Variants in PHEX observed in about 807,000 individuals in gnomAD.
PHEX encodes the protein phosphate regulating endopeptidase X-linked, also known as phosphate-regulating neutral endopeptidase PHEX.
In PHEX, 16 loss-of-function variants were observed where a neutral mutation model predicts 68.0. That is an observed-to-expected ratio of 0.24 (90% confidence interval 0.16 to 0.36). The LOEUF (loss-of-function observed/expected upper bound fraction) is 0.36. PHEX is among the 10% of genes least tolerant of loss of function. PHEX has a pLI of 1.00. For missense variants in PHEX, 480 were observed against 575.5 expected, an observed-to-expected ratio of 0.83 and a Z score of 1.70; for synonymous variants, 208 against 205.1, an observed-to-expected ratio of 1.01 and a Z score of -0.12.
In PHEX at chrX:22,249,462, ATATATATATATATATATATATATATG is replaced by A. The variant is rs1460136575; in HGVS notation, c.*1515_*1540del. ...TCTTTTAAAAAAAAAAAAAATATATATATATATATATATATATATATATATGTATATCTACCTAAGTGTGTGCCATG... is the reference window on the plus strand; with the variant it reads ...TCTTTTAAAAAAAAAAAAAATATATATATATCTACCTAAGTGTGTGCCATG... On this transcript the variant is annotated 3_prime_UTR_variant, in exon 22 of 22. Transcript: ENST00000379374. 1 of 64,803 alleles carries A rather than the reference ATATATATATATATATATATATATATG, an allele frequency of 1.5e-5. No homozygotes were observed. Among genetic ancestry groups the A allele is most frequent in the South Asian group, 6.7e-4 (1 of 1,496 alleles). 5.3% of individuals were successfully genotyped at this position (64,803 alleles called of 1,213,427 possible).
chrX:22,168,178 C>A, intron 12 of PHEX, 134 bp from the exon 13 acceptor site: 2 of 528,786 alleles, frequency 3.8e-6, no homozygotes, highest in Non-Finnish European at 6.8e-6. Context: ...TATTTTTGCC[C>A]TTCACAGTGG....
chrX:22,177,839 G>A (rs1171849844), intron 13 of PHEX, among the ~76,000 whole-genome samples: 3 of 111,782 alleles, frequency 2.7e-5, no homozygotes, highest in Non-Finnish European at 5.6e-5. Context: ...TAAGCTAAAT[G>A]AGTTTTCAGC....
At chrX:22,229,552 A>G (rs1169951265) in intron 20 of PHEX, among the ~76,000 whole-genome samples, 2 of 112,328 alleles carry the variant, frequency 1.8e-5, no homozygotes, top group Non-Finnish European at 3.8e-5. Context: ...CTTTTGAGAA[A>G]TGTCTGTTCG....
At chrX:22,240,464 C>A (rs1220471239) in intron 20 of PHEX, among the ~76,000 whole-genome samples, 1 of 111,302 alleles carries the variant, frequency 9.0e-6, no homozygotes, top group Non-Finnish European at 1.9e-5. Context: ...AGAGTCAAGA[C>A]CCATCAGTGT....
At chrX:22,215,200 T>C (rs2301326) in intron 16 of PHEX, among the ~76,000 whole-genome samples, 34,523 of 110,363 alleles carry the variant, frequency 0.31, 4,122 homozygotes, top group Middle Eastern at 0.38. Context: ...GGCTAGGTCA[T>C]AGTTAATACT....
intron 9 of PHEX, among the ~76,000 whole-genome samples, chrX:22,110,529 G>A (rs1032048250): frequency 9.9e-5 from 11 of 110,706 alleles, no homozygotes; most frequent in Non-Finnish European, 1.7e-4. Context: ...GTATACATGT[G>A]CCATGTTGGT....
chrX:22,042,310 A>G (rs1275150147), intron 2 of PHEX, among the ~76,000 whole-genome samples: 1 of 111,776 alleles, frequency 8.9e-6, no homozygotes, highest in African/African-American at 3.2e-5. Flanking sequence ...GAAACAAGGA[A>G]AGGGCATGCA....
At position 22,213,098 on chromosome X, in the gene PHEX, T is replaced by C. The variant is rs1402332486; in HGVS notation, c.1700+140T>C. The C allele has an allele frequency of 1.9e-5, 10 of 525,356 alleles. No homozygotes were observed. In the Admixed American group the frequency reaches 2.4e-4, roughly 13 times the overall value. The allele number at this position is 525,356 out of a possible 1,213,427, so 43.3% of individuals were successfully genotyped here. ...CTGGCGTGGGTCGCCTGTACTCTTA[T>C]CATTTTAGGTATTTGTTTTCTGATC... On this transcript the variant is annotated intron_variant, in intron 16 of 21. Coordinates refer to ENST00000379374, the MANE Select transcript of PHEX (RefSeq NM_000444.6).
intron 1 of PHEX, among the ~76,000 whole-genome samples, chrX:22,037,071 C>CCTGGGTGCAGTGTGGAGTGCA (rs2146978048): frequency 9.9e-6 from 1 of 101,073 alleles, no homozygotes; most frequent in Non-Finnish European, 2.0e-5. Context: ...TGCACTCCAG[C>CCTGGGTGCAGTGTGGAGTGCA]CTGGGTGACA....
At chrX:22,198,042 C>T (rs1569424868) in intron 15 of PHEX, among the ~76,000 whole-genome samples, 5 of 103,455 alleles carry the variant, frequency 4.8e-5, no homozygotes, top group South Asian at 4.0e-4. Flanking sequence ...ATATTAGATA[C>T]ATAATATTAA....
At chrX:22,204,736 G>A (rs1934657679) in intron 15 of PHEX, among the ~76,000 whole-genome samples, 1 of 111,845 alleles carries the variant, frequency 8.9e-6, no homozygotes, top group African/African-American at 3.3e-5. Flanking sequence ...TATTCACTTA[G>A]AGAAGTCGAA....
chrX:22,198,143 TTATATAA>T lies in PHEX; in HGVS notation c.1645+7648_1645+7654del, dbSNP rs763344783. 4.3e-4 allele frequency among the ~76,000 whole-genome samples: 45 copies of T among 104,613 alleles called. No individual in the cohort carries two copies. In the South Asian group the frequency reaches 0.017, roughly 39 times the overall value. 90.8% of individuals were successfully genotyped at this position (104,613 alleles called of 115,157 possible). ...ATACATATAATATATTATATAATAT[TTATATAA>T]TATATATCAATATGTAATATATAAG... On this transcript the variant is annotated intron_variant, in intron 15 of 21. Transcript: ENST00000379374.
At chrX:22,104,476 G>T (rs1950334748) in intron 9 of PHEX, among the ~76,000 whole-genome samples, 1 of 111,255 alleles carries the variant, frequency 9.0e-6, no homozygotes, top group Admixed American at 9.5e-5. Flanking sequence ...AGGTAGTGAT[G>T]ATCCCTCATG....
At chrX:22,071,702 C>A (rs1188958999) in intron 3 of PHEX, among the ~76,000 whole-genome samples, 1 of 112,807 alleles carries the variant, frequency 8.9e-6, no homozygotes, top group African/African-American at 3.2e-5. Context: ...CCCTTTGAGG[C>A]TAGGCTTGGG....
intron 20 of PHEX, among the ~76,000 whole-genome samples, chrX:22,235,979 A>T (rs1935963318): frequency 9.0e-6 from 1 of 111,296 alleles, no homozygotes; most frequent in Non-Finnish European, 1.9e-5. Flanking sequence ...TTTCAGTATG[A>T]TCCAACTCCA....
intron 1 of PHEX, among the ~76,000 whole-genome samples, chrX:22,036,563 A>G (rs1927028368): frequency 9.0e-6 from 1 of 111,186 alleles, no homozygotes; most frequent in Non-Finnish European, 1.9e-5. Flanking sequence ...TATTTACAAT[A>G]AAGCTTATTT....
At chrX:22,232,596 CTTTTTTTTTTTTTTTTTTTT>C (rs745474280) in intron 20 of PHEX, among the ~76,000 whole-genome samples, 1 of 18,549 alleles carries the variant, frequency 5.4e-5, no homozygotes, top group Admixed American at 6.9e-4. Context: ...GCCACTTCTG[CTTTTTTTTTTTTTTTTTTTT>C]TTTTTTTTTT....
intron 20 of PHEX, 88 bp downstream of exon 20, chrX:22,227,699 T>C: frequency 1.7e-6 from 1 of 604,634 alleles, no homozygotes; most frequent in Non-Finnish European, 2.8e-6. Context: ...AACAAAAGTT[T>C]AATGGCATGA....
At chrX:22,162,408 C>T (rs961769672) in intron 12 of PHEX, among the ~76,000 whole-genome samples, 1 of 112,101 alleles carries the variant, frequency 8.9e-6, no homozygotes, top group African/African-American at 3.2e-5. Context: ...GACATTATTT[C>T]TCAGGGGTTT....
Sources: allele counts gnomAD v4.1 joint callset (sites outside exome capture counted in the v4.1 genomes callset), GRCh38; gene constraint gnomAD v4.1.1; transcripts MANE v1.5; gene names NCBI Gene and HGNC (gene_info 2026-07-23, HGNC 2026-07-21).